The following COL5A2 variants were observed in gnomAD, a reference collection of about 807,000 sequenced individuals.
COL5A2 encodes collagen type V alpha 2 chain, also known as collagen alpha-2(V) chain.
In COL5A2, 23 loss-of-function variants were observed where a neutral mutation model predicts 208.2. The observed-to-expected ratio is 0.11, with a 90% CI of 0.08 to 0.16. COL5A2 has a LOEUF of 0.16. COL5A2 is among the 10% of genes least tolerant of loss of function. COL5A2 has a pLI of 1.00. For missense variants in COL5A2, 1,590 were observed against 1,956.4 expected, an observed-to-expected ratio of 0.81 and a Z score of 3.53; for synonymous variants, 625 against 628.5, an observed-to-expected ratio of 0.99 and a Z score of 0.08.
chr2:189,163,976 G>A (rs1163998471), intron 1 of COL5A2, among the ~76,000 whole-genome samples: 1 of 152,138 alleles, frequency 6.6e-6, no homozygotes, highest in African/African-American at 2.4e-5. Context: ...ATTCATTCAT[G>A]AAAGTAACAG....
the COL5A2 span, among the ~76,000 whole-genome samples, chr2:189,374,036 GA>G: frequency 6.6e-6 from 1 of 151,996 alleles, no homozygotes; most frequent in Non-Finnish European, 1.5e-5. Flanking sequence ...GTCCATTTTT[GA>G]AGGAAAAAAT....
At chr2:189,171,460 A>G (rs1324052384) in intron 1 of COL5A2, among the ~76,000 whole-genome samples, 3 of 152,188 alleles carry the variant, frequency 2.0e-5, no homozygotes, top group Admixed American at 2.0e-4. Context: ...GCCTAAACTG[A>G]GGCATTTGTA....
chr2:189,250,112 T>G, the COL5A2 span, among the ~76,000 whole-genome samples: 1 of 152,204 alleles, frequency 6.6e-6, no homozygotes, highest in East Asian at 1.9e-4. Context: ...ATTTACAATA[T>G]GATAAGAATG....
At chr2:189,137,947 T>C (rs1386103882) in intron 1 of COL5A2, among the ~76,000 whole-genome samples, 1 of 152,172 alleles carries the variant, frequency 6.6e-6, no homozygotes, top group African/African-American at 2.4e-5. Flanking sequence ...AATATCTGTG[T>C]GGGCCTAATC....
the COL5A2 span, among the ~76,000 whole-genome samples, chr2:189,370,974 AGT>A: frequency 2.5e-4 from 38 of 152,210 alleles, no homozygotes; most frequent in African/African-American, 8.4e-4. Context: ...CCTGGTGGGA[AGT>A]GTTTGGATCA....
chr2:189,376,407 G>GA, the COL5A2 span, among the ~76,000 whole-genome samples: 12 of 150,002 alleles, frequency 8.0e-5, no homozygotes, highest in African/African-American at 2.0e-4. Flanking sequence ...TGATATGTTT[G>GA]AAAAAAAAAG....
the COL5A2 span, among the ~76,000 whole-genome samples, chr2:189,417,976 T>C: frequency 6.6e-6 from 1 of 152,138 alleles, no homozygotes; most frequent in Non-Finnish European, 1.5e-5. Flanking sequence ...GACTTTGCTA[T>C]TTAATTTATA....
chr2:189,185,054 T>C (rs13028226), intron 1 of COL5A2, among the ~76,000 whole-genome samples: 114,397 of 151,794 alleles, frequency 0.75, 45,346 homozygotes, highest in Non-Finnish European at 0.88. Context: ...GACAGAGTCT[T>C]GCCCTGTCGC....
intron 3 of COL5A2, 103 bp downstream of exon 3, chr2:189,104,161 G>T: frequency 1.2e-6 from 1 of 848,112 alleles, no homozygotes; most frequent in Non-Finnish European, 2.0e-6. Context: ...ATGGTACTTT[G>T]TACTTTTCAA....
chr2:189,374,266 T>C, the COL5A2 span, among the ~76,000 whole-genome samples: 1 of 152,156 alleles, frequency 6.6e-6, no homozygotes, highest in African/African-American at 2.4e-5. Context: ...GTTTTTTGCA[T>C]ATCTTTTTCT....
At chr2:189,230,732 C>G in the COL5A2 span, among the ~76,000 whole-genome samples, 3 of 151,880 alleles carry the variant, frequency 2.0e-5, no homozygotes, top group South Asian at 6.2e-4. Flanking sequence ...AACACTTACG[C>G]ACTGTTGGTA....
chr2:189,323,186 T>C, the COL5A2 span, among the ~76,000 whole-genome samples: 1 of 152,148 alleles, frequency 6.6e-6, no homozygotes, highest in African/African-American at 2.4e-5. Flanking sequence ...TAATAAGAGC[T>C]ATTTATGACA....
intron 1 of COL5A2, among the ~76,000 whole-genome samples, chr2:189,126,756 G>T (rs780154886): frequency 4.6e-5 from 7 of 152,208 alleles, no homozygotes; most frequent in Middle Eastern, 6.8e-3. Context: ...ATTTGAAGTA[G>T]TCTTGGCAGG....
the COL5A2 span, among the ~76,000 whole-genome samples, chr2:189,424,172 T>C: frequency 6.6e-6 from 1 of 152,106 alleles, no homozygotes; most frequent in Non-Finnish European, 1.5e-5. Context: ...AAACTGTGAA[T>C]AAATTAGGTA....
chr2:189,287,476 C>A, the COL5A2 span, among the ~76,000 whole-genome samples: 1 of 152,152 alleles, frequency 6.6e-6, no homozygotes, highest in East Asian at 1.9e-4. Flanking sequence ...AGCCCCTTCT[C>A]TATTCAGTTC....
chr2:189,212,741 A>G (rs1451999878), intron 1 of COL5A2, among the ~76,000 whole-genome samples: 1 of 151,854 alleles, frequency 6.6e-6, no homozygotes, highest in Non-Finnish European at 1.5e-5. Flanking sequence ...TAGATGGGCA[A>G]TAGAGACAAA....
the COL5A2 span, among the ~76,000 whole-genome samples, chr2:189,419,518 A>G: frequency 2.0e-5 from 3 of 152,306 alleles, no homozygotes; most frequent in South Asian, 6.2e-4. Flanking sequence ...TAGGCCAAGT[A>G]CGGTGCTCAC....
At chr2:189,191,935 T>C (rs891025650) in intron 1 of COL5A2, among the ~76,000 whole-genome samples, 1 of 152,162 alleles carries the variant, frequency 6.6e-6, no homozygotes, top group Admixed American at 6.5e-5. Flanking sequence ...TGGTTTTGTT[T>C]ATTGTAGAAC....
Position 189,058,459 on chromosome 2 carries a change from C to A in COL5A2, c.2199G>T (p.Met733Ile). The A allele has an allele frequency of 6.2e-7, 1 of 1,614,070 alleles. No homozygotes were observed. The highest frequency in any genetic ancestry group is 8.5e-7 in the Non-Finnish European group (1 of 1,179,950). Residue 733 changes from methionine (M) to isoleucine (I), a missense_variant, in exon 33 of 54, where the codon ATG (methionine) becomes ATT (isoleucine). By Grantham distance (10) the Met-to-Ile change is conservative. Transcript: ENST00000374866. The part of the protein sequence containing the change: ...GITGLPGEKG[M>I]AGGHGPDGPK... The stretch of plus-strand genomic sequence containing the variant: ...GGCCATCAGGACCATGTCCTCCAGC[C>A]ATTCCCTTCTCACCAGGGAGTCCAG...
Sources: allele counts gnomAD v4.1 joint callset (sites outside exome capture counted in the v4.1 genomes callset), GRCh38; gene constraint gnomAD v4.1.1; transcripts MANE v1.5; gene names NCBI Gene and HGNC (gene_info 2026-07-23, HGNC 2026-07-21).